Variants in UNC13C observed in about 807,000 individuals in gnomAD.
UNC13C encodes unc-13 homolog C, also known as protein unc-13 homolog C.
UNC13C carries 174 observed loss-of-function variants against 245.4 expected under a neutral mutation model. The observed-to-expected ratio is 0.71, with a 90% confidence interval of 0.63 to 0.80. UNC13C has a LOEUF of 0.80. UNC13C is among the 30% of genes least tolerant of loss of function. The pLI, the probability that UNC13C is intolerant of heterozygous loss-of-function variation, is 0.00. For missense variants in UNC13C, 2,829 were observed against 2,602.9 expected, an observed-to-expected ratio of 1.09 and a Z score of -1.89; for synonymous variants, 992 against 895.1, an observed-to-expected ratio of 1.11 and a Z score of -1.93.
intron 2 of UNC13C, among the ~76,000 whole-genome samples, chr15:54,121,052 A>G (rs1220267751): frequency 1.3e-5 from 2 of 152,170 alleles, no homozygotes; most frequent in Non-Finnish European, 2.9e-5. Context: ...TAGTTGATAA[A>G]GCAGCAGCAG....
chr15:54,417,519 A>G (rs1567254358), intron 19 of UNC13C, among the ~76,000 whole-genome samples: 2 of 152,182 alleles, frequency 1.3e-5, no homozygotes, highest in Non-Finnish European at 2.9e-5. Context: ...CTTACTCTAA[A>G]TCTATGTCTT....
intron 4 of UNC13C, among the ~76,000 whole-genome samples, chr15:54,233,744 C>G (rs767387037): frequency 6.6e-6 from 1 of 152,080 alleles, no homozygotes; most frequent in Non-Finnish European, 1.5e-5. Flanking sequence ...TCTCTGCTGA[C>G]GGAAAACTGG....
chr15:54,210,619 A>G (rs2140748166), intron 4 of UNC13C, among the ~76,000 whole-genome samples: 1 of 152,184 alleles, frequency 6.6e-6, no homozygotes, highest in African/African-American at 2.4e-5. Flanking sequence ...GTCAAGAATA[A>G]ACTTATTTTA....
At chr15:53,953,246 T>A in the UNC13C span, among the ~76,000 whole-genome samples, 1 of 152,216 alleles carries the variant, frequency 6.6e-6, no homozygotes, top group Non-Finnish European at 1.5e-5. Context: ...ATTAATCTGA[T>A]GCAAAGTAGG....
At chr15:54,175,658 A>T (rs183772312) in intron 4 of UNC13C, among the ~76,000 whole-genome samples, 1 of 151,822 alleles carries the variant, frequency 6.6e-6, no homozygotes, top group Non-Finnish European at 1.5e-5. Flanking sequence ...GACTACAGGC[A>T]CCCACCACCA....
intron 29 of UNC13C, among the ~76,000 whole-genome samples, chr15:54,564,773 C>G (rs1248789931): frequency 6.6e-6 from 1 of 151,982 alleles, no homozygotes; most frequent in Non-Finnish European, 1.5e-5. Context: ...GCCTCAGAGC[C>G]TCTACCATGT....
intron 2 of UNC13C, among the ~76,000 whole-genome samples, chr15:54,117,559 CTCTCTCTCATTTTCTCTATCTCTA>C (rs2030348384): frequency 6.8e-6 from 1 of 146,602 alleles, no homozygotes; most frequent in Non-Finnish European, 1.5e-5. Flanking sequence ...CTCTCTCTCT[CTCTCTCTCATTTTCTCTATCTCTA>C]GCTCTCTCTC....
rs182308124 is a variant in UNC13C, at chr15:54,069,217, A to C, written c.2983+53331A>C. Among the ~76,000 whole-genome samples the C allele has an allele frequency of 3.9e-4, 60 of 152,264 alleles. 1 individual carries two copies. The East Asian group carries it at 7.3e-3, about 19-fold the overall frequency. On this transcript the variant is annotated intron_variant, in intron 2 of 32. Coordinates refer to ENST00000260323, the MANE Select transcript of UNC13C (RefSeq NM_001080534.3). ...GTTCCTCTTCTGTCTGAAAGTGTTTAAGCAGCTCCAAGATGACCTTTGGGA... is the reference window on the plus strand; with the variant it reads ...GTTCCTCTTCTGTCTGAAAGTGTTTCAGCAGCTCCAAGATGACCTTTGGGA...
intron 2 of UNC13C, among the ~76,000 whole-genome samples, chr15:54,072,599 C>A (rs573710537): frequency 6.6e-6 from 1 of 152,042 alleles, no homozygotes; most frequent in African/African-American, 2.4e-5. Flanking sequence ...CAAGCCACTA[C>A]GTTTTCTTTT....
At chr15:54,048,649 C>T (rs1461398896) in intron 2 of UNC13C, 2 of 358,066 alleles carry the variant, frequency 5.6e-6, no homozygotes, top group Non-Finnish European at 1.1e-5. Flanking sequence ...ACTGCCATAG[C>T]AGCTAGACAA....
intron 4 of UNC13C, among the ~76,000 whole-genome samples, chr15:54,233,474 T>A (rs1295858757): frequency 6.6e-6 from 1 of 152,220 alleles, no homozygotes; most frequent in African/African-American, 2.4e-5. Flanking sequence ...TCACGCTCAC[T>A]GCATTTGATC....
At chr15:53,918,892 G>C in the UNC13C span, among the ~76,000 whole-genome samples, 2 of 152,186 alleles carry the variant, frequency 1.3e-5, no homozygotes. Flanking sequence ...AAAATGATGA[G>C]ACGAGCAATT....
At chr15:54,020,212 C>T (rs1299986019) in intron 2 of UNC13C, among the ~76,000 whole-genome samples, 1 of 151,832 alleles carries the variant, frequency 6.6e-6, no homozygotes, top group East Asian at 1.9e-4. Flanking sequence ...TTAATTTCCC[C>T]CTTTTTAAAC....
At chr15:54,552,910 TAA>T (rs1375521923) in intron 28 of UNC13C, among the ~76,000 whole-genome samples, 303 of 10,472 alleles carry the variant, frequency 0.029, 30 homozygotes, top group African/African-American at 0.12. Flanking sequence ...TATTAATATA[TAA>T]TATATATTGT....
At chr15:54,408,895 G>A (rs1050761717) in intron 18 of UNC13C, among the ~76,000 whole-genome samples, 2 of 152,154 alleles carry the variant, frequency 1.3e-5, no homozygotes, top group Non-Finnish European at 2.9e-5. Context: ...TCAATTGAAA[G>A]AGATCTGCCT....
intron 2 of UNC13C, among the ~76,000 whole-genome samples, chr15:54,032,911 A>C (rs752244615): frequency 6.6e-6 from 1 of 152,164 alleles, no homozygotes; most frequent in African/African-American, 2.4e-5. Flanking sequence ...ATATGTTCTC[A>C]CTCATAAGTG....
At chr15:54,218,118 G>C (rs912495787) in intron 4 of UNC13C, among the ~76,000 whole-genome samples, 2 of 151,886 alleles carry the variant, frequency 1.3e-5, no homozygotes, top group Non-Finnish European at 2.9e-5. Flanking sequence ...GTTTTATAGG[G>C]GATATGACAG....
chr15:54,388,285 T>G (rs916787725), intron 17 of UNC13C, among the ~76,000 whole-genome samples: 10 of 152,174 alleles, frequency 6.6e-5, no homozygotes, highest in Non-Finnish European at 1.5e-4. Flanking sequence ...TCCTTTCCTG[T>G]TTTTATTGTA....
chr15:53,865,058 A>C, the UNC13C span, among the ~76,000 whole-genome samples: 1 of 152,218 alleles, frequency 6.6e-6, no homozygotes, highest in South Asian at 2.1e-4. Context: ...GCAATGAGAT[A>C]AAGTCTGTTG....
Sources: gnomAD v4.1 joint callset for allele counts (sites outside exome capture counted in the v4.1 genomes callset) on GRCh38, gnomAD v4.1.1 for gene constraint, MANE v1.5 for transcripts, NCBI Gene and HGNC (gene_info 2026-07-23, HGNC 2026-07-21) for gene names.